GUCY1A2: variants seen among roughly 807,000 people sequenced by gnomAD.
GUCY1A2 encodes guanylate cyclase 1 soluble subunit alpha 2.
GUCY1A2 carries 27 observed loss-of-function variants against 63.5 expected under a neutral mutation model. The ratio of observed to expected loss-of-function variants is 0.43; its 90% CI spans 0.31 to 0.59. The LOEUF (loss-of-function observed/expected upper bound fraction) is 0.59, where lower values mean the gene tolerates loss of function less well. Ranked by LOEUF, GUCY1A2 falls within the 20% of genes least tolerant of loss-of-function variation. The probability of loss-of-function intolerance (pLI) is 0.11; values close to 1 mark genes in which losing one functional copy is unlikely to be tolerated. For missense variants in GUCY1A2, 768 were observed against 913.3 expected (o/e 0.84, Z 2.05); for synonymous variants, 364 against 343.5 (o/e 1.06, Z -0.66).
At chr11:106,758,767 A>G (rs554870703) in intron 6 of GUCY1A2, among the ~76,000 whole-genome samples, 5 of 152,348 alleles carry the variant, frequency 3.3e-5, no homozygotes, top group Non-Finnish European at 5.9e-5. Flanking sequence ...TTGATCATAA[A>G]CAAAGCAGCA....
chr11:106,730,096 T>TATATATA (rs1565271769), intron 6 of GUCY1A2, among the ~76,000 whole-genome samples: 4 of 96,114 alleles, frequency 4.2e-5, no homozygotes, highest in South Asian at 4.0e-4. Flanking sequence ...ATATATATAT[T>TATATATA]ATAGTATATA....
At chr11:106,718,748 T>C (rs1863260543) in intron 6 of GUCY1A2, among the ~76,000 whole-genome samples, 2 of 152,118 alleles carry the variant, frequency 1.3e-5, no homozygotes, top group African/African-American at 4.8e-5. Context: ...AAAAAGATCA[T>C]TTTGTGTTAG....
intron 1 of GUCY1A2, among the ~76,000 whole-genome samples, chr11:106,998,529 G>C (rs989380973): frequency 4.9e-4 from 74 of 152,134 alleles, no homozygotes; most frequent in African/African-American, 1.6e-3. Flanking sequence ...TTGAAAAGAA[G>C]GTACTGATTG....
intron 4 of GUCY1A2, among the ~76,000 whole-genome samples, chr11:106,929,236 T>G (rs960582961): frequency 6.6e-6 from 1 of 152,208 alleles, no homozygotes; most frequent in African/African-American, 2.4e-5. Context: ...CTTACAAGTA[T>G]AAAATGTTTT....
intron 6 of GUCY1A2, among the ~76,000 whole-genome samples, chr11:106,750,386 C>A (rs1863862323): frequency 6.6e-6 from 1 of 152,052 alleles, no homozygotes; most frequent in African/African-American, 2.4e-5. Context: ...TCTCCTCTGG[C>A]AATACCCTCA....
intron 5 of GUCY1A2, among the ~76,000 whole-genome samples, chr11:106,780,434 T>C (rs1303903702): frequency 6.6e-6 from 1 of 152,212 alleles, no homozygotes; most frequent in Admixed American, 6.5e-5. Flanking sequence ...TCATTCATTC[T>C]ACATATCCAT....
At chr11:106,843,196 A>T (rs1377280816) in intron 4 of GUCY1A2, among the ~76,000 whole-genome samples, 1 of 151,962 alleles carries the variant, frequency 6.6e-6, no homozygotes, top group East Asian at 1.9e-4. Context: ...TGAGTAGCTT[A>T]AAGGAGTAAT....
chr11:106,706,618 G>A (rs962357586), intron 7 of GUCY1A2, among the ~76,000 whole-genome samples: 3 of 140,162 alleles, frequency 2.1e-5, no homozygotes, highest in African/African-American at 8.3e-5. Context: ...AACAGGGCAT[G>A]AACTCCTCAC....
At chr11:106,700,142 T>A (rs1201956628) in intron 7 of GUCY1A2, among the ~76,000 whole-genome samples, 1 of 152,214 alleles carries the variant, frequency 6.6e-6, no homozygotes, top group African/African-American at 2.4e-5. Context: ...TATTTTCTCA[T>A]TGATTCTTAC....
chr11:106,803,755 A>G (rs895677013), intron 5 of GUCY1A2, among the ~76,000 whole-genome samples: 2 of 152,220 alleles, frequency 1.3e-5, no homozygotes, highest in African/African-American at 2.4e-5. Context: ...ATAACCCATG[A>G]AAGGTGGAAT....
At chr11:106,955,792 C>A (rs1860976125) in intron 3 of GUCY1A2, among the ~76,000 whole-genome samples, 1 of 152,006 alleles carries the variant, frequency 6.6e-6, no homozygotes, top group Non-Finnish European at 1.5e-5. Flanking sequence ...GATCTTCTTA[C>A]AGAGTATCTT....
intron 5 of GUCY1A2, among the ~76,000 whole-genome samples, chr11:106,790,637 G>A (rs1028666792): frequency 6.6e-6 from 1 of 151,866 alleles, no homozygotes; most frequent in Non-Finnish European, 1.5e-5. Context: ...TCTTGCTTAA[G>A]GCCCACAGAA....
chr11:106,987,704 C>T (rs1042417330), intron 1 of GUCY1A2, among the ~76,000 whole-genome samples: 1 of 151,382 alleles, frequency 6.6e-6, no homozygotes, highest in Admixed American at 6.6e-5. Flanking sequence ...TCACTTAGAC[C>T]CACTCCATGT....
chr11:106,826,252 T>C (rs868721623), intron 4 of GUCY1A2: 15 of 687,102 alleles, frequency 2.2e-5, no homozygotes, highest in South Asian at 1.2e-4. Context: ...TATGTTTTTA[T>C]ATTTTTCCAC....
Position 106,676,773 on chromosome 11 carries a change from T to TC in GUCY1A2, c.*10775_*10776insG. The stretch of plus-strand genomic sequence containing the variant: ...GCATTTTTTTTTTCTATTTCAGTCT[T>TC]TAGCAGTGTGGTACTCACATAAAAA... On this transcript the variant is annotated 3_prime_UTR_variant, in exon 8 of 8. Coordinates refer to ENST00000526355, the MANE Select transcript of GUCY1A2 (RefSeq NM_000855.3). The TC allele has an allele frequency of 5.1e-6, 1 of 195,958 alleles. No homozygotes were observed. The highest frequency in any genetic ancestry group is 7.9e-5 in the East Asian group (1 of 12,620). The allele number at this position is 195,958 out of a possible 1,614,324, so 12.1% of individuals were successfully genotyped here. A position where few individuals can be genotyped will look rare whatever the true frequency, so the allele number is the denominator to read the frequency against.
chr11:106,913,036 T>C (rs1860316726), intron 4 of GUCY1A2, among the ~76,000 whole-genome samples: 1 of 152,120 alleles, frequency 6.6e-6, no homozygotes, highest in Admixed American at 6.6e-5. Context: ...TAGGAAAACA[T>C]GTTGGTTTTA....
chr11:106,912,680 T>C (rs1281185148), intron 4 of GUCY1A2, among the ~76,000 whole-genome samples: 1 of 152,126 alleles, frequency 6.6e-6, no homozygotes, highest in Non-Finnish European at 1.5e-5. Flanking sequence ...ATAGATGAAA[T>C]GATTTCTCTA....
At chr11:106,731,236 T>C (rs1297273241) in intron 6 of GUCY1A2, among the ~76,000 whole-genome samples, 2 of 152,100 alleles carry the variant, frequency 1.3e-5, no homozygotes, top group Non-Finnish European at 2.9e-5. Context: ...AGGTTATACA[T>C]TTATGCCTTT....
At chr11:106,853,835 T>C (rs1859389492) in intron 4 of GUCY1A2, among the ~76,000 whole-genome samples, 1 of 152,208 alleles carries the variant, frequency 6.6e-6, no homozygotes, top group Non-Finnish European at 1.5e-5. Flanking sequence ...CTTTATTGTT[T>C]GTTCAGTAGG....
Sources: gnomAD v4.1 joint callset for allele counts (sites outside exome capture counted in the v4.1 genomes callset) on GRCh38, gnomAD v4.1.1 for gene constraint, MANE v1.5 for transcripts, NCBI Gene and HGNC (gene_info 2026-07-23, HGNC 2026-07-21) for gene names.